The following KIAA1586 variants were observed in gnomAD, a reference collection of about 807,000 sequenced individuals.
KIAA1586 encodes the protein E3 SUMO-protein ligase KIAA1586.
Under a neutral mutation model 6.1 loss-of-function variants are expected in KIAA1586, and 5 were observed. The observed-to-expected ratio is 0.82, with a 90% CI of 0.43 to 1.73. KIAA1586 has a LOEUF of 1.73. KIAA1586 is among the 40% of genes most tolerant of loss of function. KIAA1586 has a pLI of 0.02. For synonymous variants in KIAA1586, 280 were observed against 301.7 expected, an observed-to-expected ratio of 0.93 and a Z score of 0.75; for missense variants, 899 against 878.2, an observed-to-expected ratio of 1.02 and a Z score of -0.30.
At chr6:57,064,675 G>C in the KIAA1586 span, among the ~76,000 whole-genome samples, 1 of 152,158 alleles carries the variant, frequency 6.6e-6, no homozygotes, top group Non-Finnish European at 1.5e-5. Flanking sequence ...TGGGAGGCCC[G>C]GGGGTTTTCT....
rs1052991939 is a variant in KIAA1586 at position 57,054,073 on chromosome 6, A to G, written c.1574A>G (p.Asp525Gly). The G allele has an allele frequency of 9.3e-6, 15 of 1,611,158 alleles. No homozygotes were observed. The highest frequency in any genetic ancestry group is 6.7e-5 in the Admixed American group (4 of 59,470). Residue 525 changes from aspartate to glycine, a missense_variant, in exon 4 of 4, where the codon GAC (aspartate) becomes GGC (glycine). By Grantham distance (94) the Asp-to-Gly change is moderately conservative. Transcript: ENST00000370733. ...KRLANINFLQ[D>G]LALMIDILEE... Reference sequence around the variant, plus strand: ...TTAGCTAACATTAATTTCTTACAAGACCTTGCTTTAATGATTGACATTCTT... The same window carrying G: ...TTAGCTAACATTAATTTCTTACAAGGCCTTGCTTTAATGATTGACATTCTT...
At chr6:57,063,880 C>A in the KIAA1586 span, among the ~76,000 whole-genome samples, 1 of 152,012 alleles carries the variant, frequency 6.6e-6, no homozygotes, top group Non-Finnish European at 1.5e-5. Flanking sequence ...ATGAATTGGC[C>A]CTTTTTTTAA....
In KIAA1586 at chr6:57,055,142, G is replaced by A. The variant is rs567989973; in HGVS notation, c.*279G>A. 3.6e-5 allele frequency: 7 copies of A among 196,502 alleles called. No individual in the cohort carries two copies. In the East Asian group the frequency reaches 6.9e-4, roughly 19 times the overall value. 12.2% of individuals were successfully genotyped at this position (196,502 alleles called of 1,614,324 possible). A position where few individuals can be genotyped will look rare whatever the true frequency, so the allele number is the denominator to read the frequency against. The stretch of plus-strand genomic sequence containing the variant: ...TTTTGTACTGTTTTACTTTAAGTAA[G>A]GATGCAAAAAATAGCAGGACTCAGC... On this transcript the variant is annotated 3_prime_UTR_variant, in exon 4 of 4. Transcript: ENST00000370733.
chr6:57,050,738 G>C (rs371224620), intron 2 of KIAA1586, 36 bp from the exon 3 acceptor site: 12 of 1,396,050 alleles, frequency 8.6e-6, no homozygotes, highest in Non-Finnish European at 1.2e-5. Context: ...TGGAATGATT[G>C]TTCATGACTT....
rs563477426 is a variant in KIAA1586, at chr6:57,053,251, A to G, written c.752A>G (p.Asn251Ser). The G allele has an allele frequency of 3.7e-6, 6 of 1,602,004 alleles. No homozygotes were observed. In the South Asian group the frequency reaches 5.6e-5, roughly 15 times the overall value. Residue 251 changes from asparagine (N) to serine (S), a missense_variant, in exon 4 of 4, where the codon AAT becomes AGT. Physicochemically the swap from Asn to Ser is conservative, Grantham distance 46. Coordinates refer to ENST00000370733, the MANE Select transcript of KIAA1586 (RefSeq NM_020931.4). Reference sequence around the variant, plus strand: ...ATTGATGCTACTGTAAAAGTTTTCAATACTGTTTACAGTTTAGTAAAACAT... The same window carrying G: ...ATTGATGCTACTGTAAAAGTTTTCAGTACTGTTTACAGTTTAGTAAAACAT... The part of the protein sequence containing the change: ...KNIDATVKVF[N>S]TVYSLVKHNR...
At position 57,055,053 on chromosome 6, in the gene KIAA1586, T is replaced by C. The variant is rs1255258836; in HGVS notation, c.*190T>C. 1.8e-6 allele frequency: 1 copy of C among 558,716 alleles called. No individual in the cohort carries two copies. Among genetic ancestry groups the C allele is most frequent in the African/African-American group, 1.9e-5 (1 of 53,402 alleles). The allele number at this position is 558,716 out of a possible 1,614,324, so 34.6% of individuals were successfully genotyped here. A position where few individuals can be genotyped will look rare whatever the true frequency, so the allele number is the denominator to read the frequency against. On this transcript the variant is annotated 3_prime_UTR_variant, in exon 4 of 4. Transcript: ENST00000370733. ...ATAGTTTTTTAGAGATTGGCCCATG[T>C]TTGCTAGAGTGGGTCATAATACATA...
In KIAA1586 at chr6:57,053,219, T is replaced by G; in HGVS notation, c.720T>G (p.Asn240Lys). ...SICNLVHKQN[N>K]KNIDATVKVF... is the part of the protein sequence containing the mutation. ...GTAATTTAGTGCATAAACAAAATAA[T>G]AAAAATATTGATGCTACTGTAAAAG... Residue 240 changes from asparagine (N) to lysine (K), a missense_variant, in exon 4 of 4, where the codon AAT becomes AAG. By Grantham distance (94) the Asn-to-Lys change is moderately conservative. Coordinates refer to ENST00000370733, the MANE Select transcript of KIAA1586 (RefSeq NM_020931.4). 1 of 1,598,558 alleles carries G rather than the reference T, an allele frequency of 6.3e-7. No individual in the cohort carries two copies. The highest frequency in any genetic ancestry group is 8.5e-7 in the Non-Finnish European group (1 of 1,174,578).
In KIAA1586 at chr6:57,052,749, G is replaced by A. The variant is rs1168844103; in HGVS notation, c.250G>A (p.Val84Met). 43 of 1,605,874 alleles carry A rather than the reference G, an allele frequency of 2.7e-5. No individual in the cohort carries two copies. Among genetic ancestry groups the A allele is most frequent in the Non-Finnish European group, 3.6e-5 (42 of 1,176,756 alleles). Residue 84 changes from valine (V) to methionine (M), a missense_variant, in exon 4 of 4, where the codon GTG (valine) becomes ATG (methionine). Physicochemically the swap from Val to Met is conservative, Grantham distance 21. Transcript: ENST00000370733. ...DFLHFLNVKKVKTDTENNEVS... is the reference protein window; with the variant it reads ...DFLHFLNVKKMKTDTENNEVS... Reference sequence around the variant, plus strand: ...TTTGCATTTTTTAAATGTGAAGAAGGTGAAAACAGACACAGAAAATAATGA... The same window carrying A: ...TTTGCATTTTTTAAATGTGAAGAAGATGAAAACAGACACAGAAAATAATGA...
chr6:57,054,670 G>GT lies in KIAA1586; in HGVS notation c.2174dup (p.Leu725PhefsTer54). 6.4e-7 allele frequency: 1 copy of GT among 1,558,440 alleles called. No individual in the cohort carries two copies. Among genetic ancestry groups the GT allele is most frequent in the Non-Finnish European group, 8.7e-7 (1 of 1,149,574 alleles). On this transcript the variant is annotated frameshift_variant, in exon 4 of 4. Coordinates refer to ENST00000370733, the MANE Select transcript of KIAA1586 (RefSeq NM_020931.4). LOFTEE classifies it low-confidence loss of function (END_TRUNC). ...ATAATTTGTACAAGGGTGAGAAATA[G>GT]TTTAACAATAGATCATGTATCAGAT...
downstream of KIAA1586, among the ~76,000 whole-genome samples, chr6:57,057,574 G>A (rs1434699610): frequency 2.6e-5 from 4 of 151,924 alleles, no homozygotes; most frequent in Non-Finnish European, 5.9e-5. Flanking sequence ...GACCAACAAG[G>A]TGAAACCCCA....
At chr6:57,061,519 A>G in the KIAA1586 span, among the ~76,000 whole-genome samples, 1 of 152,070 alleles carries the variant, frequency 6.6e-6, no homozygotes, top group Non-Finnish European at 1.5e-5. Flanking sequence ...CAGTCTCCCA[A>G]GTAGCTGGGA....
chr6:57,060,129 T>TA (rs1321908076), downstream of KIAA1586, among the ~76,000 whole-genome samples: 3 of 152,158 alleles, frequency 2.0e-5, no homozygotes, highest in Non-Finnish European at 4.4e-5. Context: ...TCAAATCACT[T>TA]AAACAGATTT....
the KIAA1586 span, among the ~76,000 whole-genome samples, chr6:57,066,030 A>C: frequency 1.3e-5 from 2 of 151,746 alleles, no homozygotes; most frequent in Admixed American, 6.6e-5. Flanking sequence ...TAATCTCAGC[A>C]CTTTGGGAGG....
chr6:57,049,275 A>G (rs1490967110), intron 2 of KIAA1586, among the ~76,000 whole-genome samples: 1 of 152,106 alleles, frequency 6.6e-6, no homozygotes, highest in Non-Finnish European at 1.5e-5. Flanking sequence ...ACCCCATCCT[A>G]TACTGGGCTC....
Position 57,046,766 on chromosome 6 carries a change from C to T in KIAA1586, c.11C>T (p.Pro4Leu), listed in dbSNP as rs911583022. Residue 4 changes from proline (P) to leucine (L), a missense_variant, in exon 1 of 4, where the codon CCG (proline) becomes CTG (leucine). By Grantham distance (98) the Pro-to-Leu change is moderately conservative. Coordinates refer to ENST00000370733, the MANE Select transcript of KIAA1586 (RefSeq NM_020931.4). The stretch of plus-strand genomic sequence containing the variant: ...GCGGCCGTCGGAGACATGGGAGACC[C>T]GGGGTCGGAAGTGAGTAGTCGAGTG... MGD[P>L]GSEIIESVPP... 6.2e-7 allele frequency: 1 copy of T among 1,612,292 alleles called. No individual in the cohort carries two copies. The highest frequency in any genetic ancestry group is 1.3e-5 in the African/African-American group (1 of 74,844).
rs1380296253 is a variant in KIAA1586, at chr6:57,052,947, A to C, written c.448A>C (p.Lys150Gln). The C allele has an allele frequency of 6.2e-7, 1 of 1,613,816 alleles. No individual in the cohort carries two copies. Among genetic ancestry groups the C allele is most frequent in the Admixed American group, 1.7e-5 (1 of 59,984 alleles). ...KQAFMFTEQY[K>Q]WLEIKEGKLG... is the part of the protein sequence containing the mutation. ...AGCATTTATGTTTACAGAACAATAC[A>C]AATGGCTTGAAATAAAAGAAGGTAA... Residue 150 changes from lysine to glutamine, a missense_variant, in exon 4 of 4, where the codon AAA (lysine) becomes CAA (glutamine). Lys to Gln is a moderately conservative substitution (Grantham distance 53). Coordinates refer to ENST00000370733, the MANE Select transcript of KIAA1586 (RefSeq NM_020931.4).
rs758842970 is a variant in KIAA1586, at chr6:57,054,120, A to G, written c.1621A>G (p.Thr541Ala). Residue 541 changes from threonine (T) to alanine (A), a missense_variant, in exon 4 of 4, where the codon ACT becomes GCT. Physicochemically the swap from Thr to Ala is moderately conservative, Grantham distance 58. Transcript: ENST00000370733. Reference sequence around the variant, plus strand: ...TCTTGAAGAATTTTCAGTACTTTCAACTGCATTACAGTCAAGATCAACTAA... The same window carrying G: ...TCTTGAAGAATTTTCAGTACTTTCAGCTGCATTACAGTCAAGATCAACTAA... ...DILEEFSVLSTALQSRSTNIK... is the reference protein window; with the variant it reads ...DILEEFSVLSAALQSRSTNIK... 5.0e-6 allele frequency: 8 copies of G among 1,606,882 alleles called. No individual in the cohort carries two copies. Among genetic ancestry groups the G allele is most frequent in the Non-Finnish European group, 6.8e-6 (8 of 1,177,134 alleles).
chr6:57,053,902 A>G lies in KIAA1586; in HGVS notation c.1403A>G (p.Glu468Gly). 6.3e-7 allele frequency: 1 copy of G among 1,581,118 alleles called. No individual in the cohort carries two copies. The highest frequency in any genetic ancestry group is 8.6e-7 in the Non-Finnish European group (1 of 1,167,080). The stretch of plus-strand genomic sequence containing the variant: ...AAGCTTCTAGGAACTGTAGCTAAAG[A>G]ACTTGAAACTGAAATTATTAAAATT... ...QTKLLGTVAK[E>G]LETEIIKIGR... The change falls in exon 4 of 4, where the codon GAA (glutamate) becomes GGA (glycine). Residue 468 changes from glutamate to glycine, a missense_variant. Transcript: ENST00000370733.
chr6:57,046,695 T>C lies in KIAA1586; in HGVS notation c.-61T>C, dbSNP rs1828201385. 2.5e-6 allele frequency: 4 copies of C among 1,603,938 alleles called. No homozygotes were observed. The East Asian group carries it at 6.8e-5, about 27-fold the overall frequency. On this transcript the variant is annotated 5_prime_UTR_variant, in exon 1 of 4. Coordinates refer to ENST00000370733, the MANE Select transcript of KIAA1586 (RefSeq NM_020931.4). ...CGGTGCAGGGCGGGAAGGGGAGTGG[T>C]GGCGGCTGCGGCAGTAGGGACAGCA...
Sources: allele counts gnomAD v4.1 joint callset (sites outside exome capture counted in the v4.1 genomes callset), GRCh38; gene constraint gnomAD v4.1.1; transcripts MANE v1.5; gene names NCBI Gene and HGNC (gene_info 2026-07-23, HGNC 2026-07-21).